Variants in CNIH3 observed in about 807,000 individuals in gnomAD.
CNIH3 encodes cornichon family AMPA receptor auxiliary protein 3, also known as protein cornichon homolog 3.
CNIH3 carries 14 observed loss-of-function variants against 24.1 expected under a neutral mutation model. The observed-to-expected ratio is 0.58, with a 90% CI of 0.38 to 0.91. CNIH3 has a LOEUF of 0.91. Ranked by LOEUF, CNIH3 falls within the 40% of genes least tolerant of loss-of-function variation. The pLI is 0.00. For synonymous variants in CNIH3, 68 were observed against 73.8 expected, an observed-to-expected ratio of 0.92 and a Z score of 0.40; for missense variants, 178 against 196.8, an observed-to-expected ratio of 0.90 and a Z score of 0.57.
intron 1 of CNIH3, among the ~76,000 whole-genome samples, chr1:224,444,755 C>T (rs891971053): frequency 2.2e-4 from 34 of 152,136 alleles, no homozygotes; most frequent in Admixed American, 1.8e-3. Flanking sequence ...AGCAATTCTC[C>T]TGCCTCAGCC....
intron 1 of CNIH3, among the ~76,000 whole-genome samples, chr1:224,486,357 C>G (rs1424668406): frequency 6.6e-6 from 1 of 152,088 alleles, no homozygotes; most frequent in African/African-American, 2.4e-5. Flanking sequence ...AAGCAGTCCT[C>G]CTGCCTCTGC....
At chr1:224,482,834 A>C (rs2124824149) in intron 1 of CNIH3, among the ~76,000 whole-genome samples, 1 of 152,148 alleles carries the variant, frequency 6.6e-6, no homozygotes, top group South Asian at 2.1e-4. Flanking sequence ...TGTACTCTTT[A>C]TGGCCTAGAC....
intron 4 of CNIH3, among the ~76,000 whole-genome samples, chr1:224,566,863 T>C (rs1680603610): frequency 6.6e-6 from 1 of 152,226 alleles, no homozygotes; most frequent in Admixed American, 6.5e-5. Context: ...GAATGATATA[T>C]AATTCTTTGG....
chr1:224,682,751 A>T (rs1346845513), intron 2 of CNIH3, among the ~76,000 whole-genome samples: 3 of 152,212 alleles, frequency 2.0e-5, no homozygotes, highest in Admixed American at 2.0e-4. Context: ...CTAGTCTGAG[A>T]GACACCTTCA....
intron 1 of CNIH3, among the ~76,000 whole-genome samples, chr1:224,662,136 T>C (rs1040679243): frequency 6.6e-6 from 1 of 152,242 alleles, no homozygotes; most frequent in African/African-American, 2.4e-5. Context: ...TTTGCCTATA[T>C]TATAACCCTT....
intron 2 of CNIH3, among the ~76,000 whole-genome samples, chr1:224,683,359 A>G (rs2125147426): frequency 6.6e-6 from 1 of 152,368 alleles, no homozygotes; most frequent in African/African-American, 2.4e-5. Context: ...GAAGACTGCT[A>G]GACACATTTT....
intron 1 of CNIH3, among the ~76,000 whole-genome samples, chr1:224,643,294 C>T (rs773613241): frequency 2.6e-5 from 4 of 152,194 alleles, no homozygotes; most frequent in Admixed American, 2.0e-4. Flanking sequence ...AATTACACTC[C>T]AGTACGGTGG....
chr1:224,513,540 A>G (rs1329802265), upstream of CNIH3: 1 of 152,226 alleles, frequency 6.6e-6, no homozygotes, highest in Admixed American at 6.6e-5. Context: ...CTCAGTTCAG[A>G]TGCACGTAAG....
At chr1:224,557,529 G>A (rs1404987544) in intron 3 of CNIH3, among the ~76,000 whole-genome samples, 4 of 152,050 alleles carry the variant, frequency 2.6e-5, no homozygotes, top group African/African-American at 7.2e-5. Flanking sequence ...ACAGCAGCAC[G>A]ATCTCAGCTC....
Position 224,504,612 on chromosome 1 carries a change from A to G in CNIH3, n.204-11129A>G, listed in dbSNP as rs911974023. ...AGAGCCCAGCTGAATTCCTCCAAGG[A>G]GTCATGTGTCACTAGTCCAACCCCA... On this transcript the variant is annotated intron_variant and non_coding_transcript_variant, in intron 1 of 5. Transcript: ENST00000471578. Among the ~76,000 whole-genome samples, 17 of 150,934 alleles carry G rather than the reference A, an allele frequency of 1.1e-4. No homozygotes were observed. In the East Asian group the frequency reaches 3.2e-3, roughly 28 times the overall value.
At chr1:224,587,745 C>T (rs1681570534) in intron 5 of CNIH3, among the ~76,000 whole-genome samples, 1 of 150,716 alleles carries the variant, frequency 6.6e-6, no homozygotes, top group South Asian at 2.1e-4. Flanking sequence ...TTGAGACCAG[C>T]CTGGGTAACA....
Position 224,467,920 on chromosome 1 carries a change from T to C in CNIH3, n.203+33058T>C, listed in dbSNP as rs75297651. ...TTCTTGGCCTACAGACTTTTTTTTT[T>C]TCTTCACCAATTGTTGAAAGGGCCG... On this transcript the variant is annotated intron_variant and non_coding_transcript_variant, in intron 1 of 5. Transcript: ENST00000471578. Among the ~76,000 whole-genome samples, 982 of 152,040 alleles carry C rather than the reference T, an allele frequency of 6.5e-3. 8 individuals are homozygous for C. Among genetic ancestry groups the C allele is most frequent in the Non-Finnish European group, 9.1e-3 (621 of 67,968 alleles).
At chr1:224,495,444 A>G (rs370064224) in intron 1 of CNIH3, among the ~76,000 whole-genome samples, 39 of 152,342 alleles carry the variant, frequency 2.6e-4, no homozygotes, top group African/African-American at 8.9e-4. Context: ...TCATTCGTTC[A>G]TCAAATATTT....
chr1:224,672,853 A>G (rs1478324277), intron 1 of CNIH3, among the ~76,000 whole-genome samples: 1 of 152,150 alleles, frequency 6.6e-6, no homozygotes, highest in African/African-American at 2.4e-5. Flanking sequence ...TGGGTGAGGG[A>G]GCTGTCCCTA....
intron 2 of CNIH3, chr1:224,521,471 G>A: frequency 6.6e-6 from 1 of 152,154 alleles, no homozygotes; most frequent in Middle Eastern, 3.2e-3. Context: ...ACACACACTG[G>A]GTTTTCTTTG....
intron 1 of CNIH3, among the ~76,000 whole-genome samples, chr1:224,440,818 GTTTTT>G (rs1207663279): frequency 7.0e-6 from 1 of 142,720 alleles, no homozygotes. Flanking sequence ...ACAGTATTAA[GTTTTT>G]TTTTTTTTTT....
intron 3 of CNIH3, among the ~76,000 whole-genome samples, chr1:224,595,167 C>G (rs902698800): frequency 1.3e-5 from 2 of 152,296 alleles, no homozygotes; most frequent in African/African-American, 4.8e-5. Flanking sequence ...CTACCTCAAC[C>G]TTGCAATAAG....
intron 1 of CNIH3, among the ~76,000 whole-genome samples, chr1:224,461,928 C>T (rs1675927634): frequency 6.6e-6 from 1 of 152,192 alleles, no homozygotes; most frequent in Non-Finnish European, 1.5e-5. Flanking sequence ...GCTTCTTTCA[C>T]TTAGCACAGT....
At chr1:224,627,863 C>T (rs954058761) in intron 1 of CNIH3, among the ~76,000 whole-genome samples, 12 of 152,128 alleles carry the variant, frequency 7.9e-5, no homozygotes, top group South Asian at 2.1e-4. Context: ...GCTTGGGACA[C>T]GGGCTCTGAG....
Sources: gnomAD v4.1 joint callset for allele counts (sites outside exome capture counted in the v4.1 genomes callset) on GRCh38, gnomAD v4.1.1 for gene constraint, MANE v1.5 for transcripts, NCBI Gene and HGNC (gene_info 2026-07-23, HGNC 2026-07-21) for gene names.